Variants in WFDC1 observed in about 807,000 individuals in gnomAD.
WFDC1 encodes WAP four-disulfide core domain 1.
A neutral mutation model predicts 32.9 loss-of-function variants in WFDC1; 39 were observed. That is an observed-to-expected ratio of 1.19 (90% CI 0.92 to 1.55). The LOEUF (loss-of-function observed/expected upper bound fraction) is 1.55. Ranked by LOEUF, WFDC1 falls within the 40% of genes most tolerant of loss-of-function variation. The pLI is 0.00. For synonymous variants in WFDC1, 184 were observed against 137.4 expected (o/e 1.34, Z -2.37); for missense variants, 386 against 309.5 (o/e 1.25, Z -1.85).
intron 2 of WFDC1, chr16:84,316,722 G>C (rs529832307): frequency 6.6e-6 from 1 of 151,964 alleles, no homozygotes; most frequent in Non-Finnish European, 1.5e-5. Flanking sequence ...TCATGCCTGT[G>C]ATACCAGCAC....
chr16:84,313,445 C>A (rs992069143), intron 2 of WFDC1, among the ~76,000 whole-genome samples: 5 of 152,216 alleles, frequency 3.3e-5, no homozygotes, highest in African/African-American at 1.2e-4. Flanking sequence ...CTAGATGCCT[C>A]CAGGGAGCCA....
intron 3 of WFDC1, 63 bp from the exon 4 acceptor site, chr16:84,319,368 C>T: frequency 6.3e-7 from 1 of 1,583,978 alleles, no homozygotes; most frequent in Non-Finnish European, 8.6e-7. Context: ...CCTTCTAGAC[C>T]CTAGCATGTG....
intron 4 of WFDC1, 114 bp downstream of exon 4, chr16:84,319,685 C>T (rs370578): frequency 7.1e-7 from 1 of 1,399,160 alleles, no homozygotes; most frequent in Non-Finnish European, 9.6e-7. Flanking sequence ...AGCACCTGGG[C>T]CTGACTGAGA....
rs1908787762 is a variant in WFDC1 at position 84,329,322 on chromosome 16, C to G, written c.*16C>G. 1.3e-5 allele frequency: 2 copies of G among 152,338 alleles called. No individual in the cohort carries two copies. The highest frequency in any genetic ancestry group is 2.9e-5 in the Non-Finnish European group (2 of 68,178). 9.4% of individuals were successfully genotyped at this position (152,338 alleles called of 1,614,324 possible). ...TGATCCTTCTTTGCTTGCTTTCCAG[C>G]TAGGTTGCAAGAACATTCCTCTACT... is the stretch of plus-strand genomic sequence containing the variant. On this transcript the variant is annotated splice_region_variant and 3_prime_UTR_variant, in exon 7 of 7. Coordinates refer to ENST00000219454, the MANE Select transcript of WFDC1 (RefSeq NM_021197.4).
chr16:84,303,025 T>C (rs1027761339), intron 1 of WFDC1, among the ~76,000 whole-genome samples: 1 of 150,022 alleles, frequency 6.7e-6, no homozygotes, highest in Non-Finnish European at 1.5e-5. Context: ...TTCTTTCTTT[T>C]TTTTTTTTTT....
chr16:84,307,890 G>T (rs1196579287), intron 1 of WFDC1, among the ~76,000 whole-genome samples: 2 of 152,150 alleles, frequency 1.3e-5, no homozygotes, highest in African/African-American at 4.8e-5. Flanking sequence ...AGTTATTGGT[G>T]GTGGTTACAG....
chr16:84,299,378 A>G (rs1173957819), intron 1 of WFDC1, among the ~76,000 whole-genome samples: 1 of 151,468 alleles, frequency 6.6e-6, no homozygotes, highest in Non-Finnish European at 1.5e-5. Flanking sequence ...AAAACAAAAA[A>G]CAAAAAGCAA....
At chr16:84,326,433 A>G (rs775513704) in intron 5 of WFDC1, 14 of 169,586 alleles carry the variant, frequency 8.3e-5, no homozygotes, top group Non-Finnish European at 1.3e-4. Flanking sequence ...ATATAGCCCA[A>G]GTGGTTATTT....
intron 1 of WFDC1, among the ~76,000 whole-genome samples, chr16:84,296,590 T>G (rs996224097): frequency 6.6e-6 from 1 of 152,134 alleles, no homozygotes; most frequent in Middle Eastern, 3.2e-3. Flanking sequence ...TGAAACTGTA[T>G]TGAGACAAAT....
chr16:84,317,443 T>C (rs1908028592), intron 2 of WFDC1: 1 of 152,220 alleles, frequency 6.6e-6, no homozygotes, highest in Non-Finnish European at 1.5e-5. Context: ...AGCTGATTCA[T>C]CCAGGCAGGA....
chr16:84,310,475 G>A (rs920385293), intron 1 of WFDC1, among the ~76,000 whole-genome samples: 1 of 151,998 alleles, frequency 6.6e-6, no homozygotes. Context: ...TCTGCATGGA[G>A]ACTGCCTTTA....
intron 6 of WFDC1, 51 bp from the exon 7 acceptor site, chr16:84,329,271 C>T (rs1908784668): frequency 6.6e-6 from 1 of 152,192 alleles, no homozygotes; most frequent in Non-Finnish European, 1.5e-5. Context: ...TTCTTTGTCT[C>T]TGGTCTGCCC....
chr16:84,312,878 C>G, intron 1 of WFDC1, 83 bp from the exon 2 acceptor site: 1 of 894,918 alleles, frequency 1.1e-6, no homozygotes, highest in Non-Finnish European at 1.4e-6. Flanking sequence ...GCCCGGCGCA[C>G]TGCCCACCCC....
intron 1 of WFDC1, among the ~76,000 whole-genome samples, chr16:84,296,575 G>A (rs1906610062): frequency 1.3e-5 from 2 of 152,156 alleles, no homozygotes; most frequent in Non-Finnish European, 2.9e-5. Flanking sequence ...GCATAGTGGG[G>A]TGCCTGAAAC....
chr16:84,319,103 C>T (rs184979034), intron 3 of WFDC1: 1 of 375,764 alleles, frequency 2.7e-6, no homozygotes. Flanking sequence ...GTCTGTGTCC[C>T]CATGCGACTG....
At chr16:84,296,421 G>A (rs2151362057) in intron 1 of WFDC1, among the ~76,000 whole-genome samples, 1 of 152,304 alleles carries the variant, frequency 6.6e-6, no homozygotes, top group African/African-American at 2.4e-5. Flanking sequence ...GGCTGCAGTG[G>A]TAGCACGGGA....
At position 84,297,645 on chromosome 16, in the gene WFDC1, A is replaced by AAGAAC. The variant is rs1555543161; in HGVS notation, c.144+2531_144+2532insGAACA. Among the ~76,000 whole-genome samples, 35 of 136,160 alleles carry AAGAAC rather than the reference A, an allele frequency of 2.6e-4. 3 individuals carry two copies. The highest frequency in any genetic ancestry group is 3.4e-4 in the Non-Finnish European group (21 of 62,178). 89.3% of individuals were successfully genotyped at this position (136,160 alleles called of 152,430 possible). On this transcript the variant is annotated intron_variant, in intron 1 of 6. Coordinates refer to ENST00000219454, the MANE Select transcript of WFDC1 (RefSeq NM_021197.4). ...AAAAAAAAAAAAAAAAAAAAAAAAA[A>AAGAAC]AACTGTGCCTCAGAGAAAGCCCTGG...
At chr16:84,320,580 C>G (rs962472417) in intron 4 of WFDC1, among the ~76,000 whole-genome samples, 2 of 152,198 alleles carry the variant, frequency 1.3e-5, no homozygotes, top group African/African-American at 4.8e-5. Flanking sequence ...AAAACCATCT[C>G]GAACCCCACT....
intron 1 of WFDC1, among the ~76,000 whole-genome samples, chr16:84,301,547 C>T (rs377676294): frequency 2.0e-4 from 30 of 152,194 alleles, no homozygotes; most frequent in South Asian, 1.9e-3. Flanking sequence ...TGGGGGTCAG[C>T]GGGTGCTCAG....
Sources: gnomAD v4.1 joint callset for allele counts (sites outside exome capture counted in the v4.1 genomes callset) on GRCh38, gnomAD v4.1.1 for gene constraint, MANE v1.5 for transcripts, NCBI Gene and HGNC (gene_info 2026-07-23, HGNC 2026-07-21) for gene names.